The following CGGBP1 variants were observed in gnomAD, a reference collection of about 807,000 sequenced individuals.
The protein encoded by CGGBP1 is CGG triplet repeat-binding protein 1.
A neutral mutation model predicts 11.4 loss-of-function variants in CGGBP1; 4 were observed. The ratio of observed to expected loss-of-function variants is 0.35; its 90% CI spans 0.17 to 0.80. The LOEUF (loss-of-function observed/expected upper bound fraction) is 0.80, where lower values mean the gene tolerates loss of function less well. CGGBP1 is among the 30% of genes least tolerant of loss of function. The probability of loss-of-function intolerance (pLI) is 0.52; values close to 1 mark genes in which losing one functional copy is unlikely to be tolerated. For missense variants in CGGBP1, 135 were observed against 202.1 expected (o/e 0.67, Z 2.01); for synonymous variants, 76 against 74.1 (o/e 1.03, Z -0.13).
intron 2 of CGGBP1, among the ~76,000 whole-genome samples, chr3:88,065,540 T>C (rs577731988): frequency 6.6e-6 from 1 of 152,338 alleles, no homozygotes; most frequent in East Asian, 1.9e-4. Context: ...ATTTCACCTT[T>C]GTAAATAAAA....
At chr3:88,119,861 T>C (rs578160081) in intron 2 of CGGBP1, among the ~76,000 whole-genome samples, 2 of 152,328 alleles carry the variant, frequency 1.3e-5, no homozygotes, top group East Asian at 3.9e-4. Flanking sequence ...CCAACTAATT[T>C]TGAAATATGA....
intron 2 of CGGBP1, among the ~76,000 whole-genome samples, chr3:88,081,388 A>T (rs1026843963): frequency 5.3e-5 from 8 of 152,008 alleles, no homozygotes; most frequent in African/African-American, 1.7e-4. Flanking sequence ...GAGACTGCAA[A>T]TCCTGCTTCT....
Position 88,053,791 on chromosome 3 carries a change from A to C in CGGBP1, c.*1682T>G, listed in dbSNP as rs752223933. ...AAGTAAACGCAAAACACATATGGTTATGTTTTGCTGCTGGTCTCCTCATAC... is the reference window on the plus strand; with the variant it reads ...AAGTAAACGCAAAACACATATGGTTCTGTTTTGCTGCTGGTCTCCTCATAC... On this transcript the variant is annotated 3_prime_UTR_variant, in exon 4 of 4. Transcript: ENST00000482016. The C allele has an allele frequency of 6.6e-6, 1 of 152,592 alleles. No individual in the cohort carries two copies. Among genetic ancestry groups the C allele is most frequent in the Non-Finnish European group, 1.5e-5 (1 of 67,982 alleles). The allele number at this position is 152,592 out of a possible 1,614,324, so 9.5% of individuals were successfully genotyped here. A position where few individuals can be genotyped will look rare whatever the true frequency, so the allele number is the denominator to read the frequency against.
chr3:88,059,493 A>G (rs562810721), upstream of CGGBP1: 1 of 1,495,866 alleles, frequency 6.7e-7, no homozygotes, highest in Non-Finnish European at 8.9e-7. Context: ...ATTACTGCCG[A>G]CGCTTCTGTC....
At chr3:88,140,899 G>C (rs188787709) in intron 2 of CGGBP1, 5 of 1,613,566 alleles carry the variant, frequency 3.1e-6, no homozygotes, top group South Asian at 2.2e-5. Context: ...GTAGATGCCT[G>C]TTCTGATCAA....
chr3:88,068,352 A>G (rs1447972686), intron 2 of CGGBP1, among the ~76,000 whole-genome samples: 1 of 152,168 alleles, frequency 6.6e-6, no homozygotes, highest in Non-Finnish European at 1.5e-5. Flanking sequence ...GTGGCAAAAC[A>G]TAGCACAGAG....
chr3:88,149,261 T>C (rs1199798034), intron 1 of CGGBP1, among the ~76,000 whole-genome samples: 1 of 152,050 alleles, frequency 6.6e-6, no homozygotes, highest in African/African-American at 2.4e-5. Context: ...TCCACTTCCA[T>C]TGGAAACTGA....
chr3:88,091,516 A>G (rs1708629043), intron 2 of CGGBP1, among the ~76,000 whole-genome samples: 1 of 152,162 alleles, frequency 6.6e-6, no homozygotes, highest in African/African-American at 2.4e-5. Context: ...GAAAATTCTT[A>G]TACAACTTTC....
chr3:88,116,495 G>T (rs1203207501), intron 2 of CGGBP1, among the ~76,000 whole-genome samples: 1 of 151,518 alleles, frequency 6.6e-6, no homozygotes, highest in African/African-American at 2.4e-5. Context: ...ACTCCATCCA[G>T]CCAGGGCAAC....
intron 2 of CGGBP1, chr3:88,140,489 G>T: frequency 6.2e-7 from 1 of 1,613,690 alleles, no homozygotes; most frequent in Non-Finnish European, 8.5e-7. Flanking sequence ...GTTTAGTTCA[G>T]AATGGAAACG....
At chr3:88,126,382 G>C in intron 2 of CGGBP1, 3 of 1,109,602 alleles carry the variant, frequency 2.7e-6, no homozygotes, top group Non-Finnish European at 3.5e-6. Flanking sequence ...CTGAATAATG[G>C]GAGTGATGTA....
chr3:88,071,927 C>T (rs1182256909), intron 2 of CGGBP1, among the ~76,000 whole-genome samples: 1 of 152,212 alleles, frequency 6.6e-6, no homozygotes, highest in Non-Finnish European at 1.5e-5. Flanking sequence ...CTATTAAATG[C>T]TCATAACTTG....
intron 2 of CGGBP1, among the ~76,000 whole-genome samples, chr3:88,082,886 A>G (rs1374782814): frequency 6.6e-6 from 1 of 152,344 alleles, no homozygotes; most frequent in East Asian, 1.9e-4. Context: ...CCAGATCAGG[A>G]TGCCAGCGTG....
At position 88,058,226 on chromosome 3, in the gene CGGBP1, G is replaced by A. The variant is rs749881909; in HGVS notation, c.-330-3C>T. On this transcript the variant is annotated splice_polypyrimidine_tract_variant and splice_region_variant and intron_variant, in intron 1 of 3. Transcript: ENST00000482016. ...GGTGCCAGGAAGTCATGCCTTTACT[G>A]TAAAACACGAAAAACAAATGGAAGG... 4 of 152,240 alleles carry A rather than the reference G, an allele frequency of 2.6e-5. No individual in the cohort carries two copies. Among genetic ancestry groups the A allele is most frequent in the Admixed American group, 6.5e-5 (1 of 15,282 alleles). 9.4% of individuals were successfully genotyped at this position (152,240 alleles called of 1,614,324 possible).
intron 2 of CGGBP1, among the ~76,000 whole-genome samples, chr3:88,088,749 T>TGG (rs1346042890): frequency 4.3e-5 from 3 of 69,906 alleles, no homozygotes; most frequent in African/African-American, 1.3e-4. Flanking sequence ...TTTATTTATG[T>TGG]ATGTATGTAT....
At chr3:88,059,211 A>C, upstream of CGGBP1, 1 of 1,471,766 alleles carries the variant, frequency 6.8e-7, no homozygotes. Context: ...CTGTCCGGCT[A>C]GGGAGGAGGG....
chr3:88,076,215 T>C (rs542017185), intron 2 of CGGBP1, among the ~76,000 whole-genome samples: 1 of 152,360 alleles, frequency 6.6e-6, no homozygotes, highest in Non-Finnish European at 1.5e-5. Context: ...TTATAGACTT[T>C]CTGCCTTTTA....
intron 2 of CGGBP1, among the ~76,000 whole-genome samples, chr3:88,135,883 G>T (rs1706751171): frequency 6.6e-6 from 1 of 151,698 alleles, no homozygotes; most frequent in Admixed American, 6.6e-5. Context: ...TCTCTATGTT[G>T]GTTACTTTTA....
At chr3:88,060,882 A>G (rs980091410), upstream of CGGBP1, among the ~76,000 whole-genome samples, 1 of 152,190 alleles carries the variant, frequency 6.6e-6, no homozygotes, top group Admixed American at 6.5e-5. Flanking sequence ...TTTTCAGGTA[A>G]GTTTTTAATG....
Sources: allele counts gnomAD v4.1 joint callset (sites outside exome capture counted in the v4.1 genomes callset), GRCh38; gene constraint gnomAD v4.1.1; transcripts MANE v1.5; gene names NCBI Gene and HGNC (gene_info 2026-07-23, HGNC 2026-07-21).